Variants in VPS50 observed in about 807,000 individuals in gnomAD.
The protein encoded by VPS50 is syndetin.
In VPS50, 70 loss-of-function variants were observed where a neutral mutation model predicts 139.7. The ratio of observed to expected loss-of-function variants is 0.50; its 90% confidence interval spans 0.41 to 0.61. The LOEUF is 0.61. VPS50 is among the 20% of genes least tolerant of loss of function. The probability of loss-of-function intolerance (pLI) is 0.00; values close to 1 mark genes in which losing one functional copy is unlikely to be tolerated. For missense variants in VPS50, 921 were observed against 1,133.7 expected, an observed-to-expected ratio of 0.81 and a Z score of 2.69; for synonymous variants, 365 against 376.7, an observed-to-expected ratio of 0.97 and a Z score of 0.36.
At chr7:93,354,692 C>T (rs1018311038) in intron 26 of VPS50, among the ~76,000 whole-genome samples, 1 of 152,084 alleles carries the variant, frequency 6.6e-6, no homozygotes, top group African/African-American at 2.4e-5. Flanking sequence ...ATAAATCTTT[C>T]ATGTGTTGAA....
At chr7:93,246,391 C>G (rs186245755) in intron 2 of VPS50, among the ~76,000 whole-genome samples, 1 of 151,870 alleles carries the variant, frequency 6.6e-6, no homozygotes, top group Non-Finnish European at 1.5e-5. Context: ...GTGGACTGGT[C>G]TAATGAGCTA....
At chr7:93,233,676 CAT>C (rs1228622547) in intron 1 of VPS50, among the ~76,000 whole-genome samples, 9 of 152,322 alleles carry the variant, frequency 5.9e-5, no homozygotes, top group Admixed American at 2.0e-4. Flanking sequence ...TAATTCCTCA[CAT>C]GTGTTGAGTA....
chr7:93,338,416 G>C (rs2117054338), intron 22 of VPS50, among the ~76,000 whole-genome samples: 1 of 152,282 alleles, frequency 6.6e-6, no homozygotes, highest in South Asian at 2.1e-4. Context: ...TGGGCAGTTA[G>C]AGAAGATCCC....
intron 1 of VPS50, among the ~76,000 whole-genome samples, chr7:93,233,154 A>G (rs1794689123): frequency 6.6e-6 from 1 of 152,194 alleles, no homozygotes; most frequent in Admixed American, 6.5e-5. Context: ...CATGAATAAG[A>G]GCTTTGGCTA....
At chr7:93,248,326 G>T (rs1202177729) in intron 2 of VPS50, among the ~76,000 whole-genome samples, 1 of 151,682 alleles carries the variant, frequency 6.6e-6, no homozygotes, top group African/African-American at 2.4e-5. Flanking sequence ...TAAAATTTGG[G>T]CTCACACCTA....
At chr7:93,261,700 GAAATT>G (rs1554361372) in intron 9 of VPS50, among the ~76,000 whole-genome samples, 3 of 118,278 alleles carry the variant, frequency 2.5e-5, no homozygotes, top group South Asian at 2.8e-4. Flanking sequence ...AAAAAAAAAA[GAAATT>G]AGGCTGTAGA....
intron 17 of VPS50, among the ~76,000 whole-genome samples, chr7:93,304,214 G>A (rs965556006): frequency 1.3e-5 from 2 of 151,798 alleles, no homozygotes; most frequent in Non-Finnish European, 3.0e-5. Flanking sequence ...AAAATGCAGT[G>A]CATATAGTTA....
chr7:93,253,273 C>T, intron 3 of VPS50, among the ~76,000 whole-genome samples: 1 of 152,080 alleles, frequency 6.6e-6, no homozygotes, highest in East Asian at 1.9e-4. Context: ...ACAGTCAGTC[C>T]CCAGCTCAGT....
At chr7:93,249,941 A>T (rs1410543365) in intron 2 of VPS50, among the ~76,000 whole-genome samples, 1 of 152,150 alleles carries the variant, frequency 6.6e-6, no homozygotes. Context: ...ACCACTGTCC[A>T]GGGTGCTAAA....
chr7:93,328,208 T>C (rs1308580996), intron 21 of VPS50, among the ~76,000 whole-genome samples: 1 of 152,212 alleles, frequency 6.6e-6, no homozygotes, highest in Admixed American at 6.5e-5. Flanking sequence ...AAATTATGTT[T>C]TCTTTGGTCT....
chr7:93,338,548 A>G (rs1305483713), intron 22 of VPS50, among the ~76,000 whole-genome samples: 4 of 152,276 alleles, frequency 2.6e-5, no homozygotes, highest in East Asian at 3.9e-4. Flanking sequence ...GCACTGTTCT[A>G]GGAATTAAGA....
chr7:93,246,017 A>G, intron 2 of VPS50: 1 of 752,586 alleles, frequency 1.3e-6, no homozygotes, highest in Non-Finnish European at 2.2e-6. Flanking sequence ...TACTGACTGA[A>G]TATTGAAAAC....
At chr7:93,297,386 A>AT (rs899364952) in intron 16 of VPS50, 143 bp downstream of exon 16, 7 of 921,538 alleles carry the variant, frequency 7.6e-6, no homozygotes, top group Middle Eastern at 3.7e-4. Flanking sequence ...ATGGTTAAGG[A>AT]TTTTTTTAAC....
intron 20 of VPS50, among the ~76,000 whole-genome samples, chr7:93,315,522 A>G (rs1797400268): frequency 6.6e-6 from 1 of 152,184 alleles, no homozygotes; most frequent in South Asian, 2.1e-4. Flanking sequence ...GTTCTGTTAA[A>G]TTACTCATTC....
intron 6 of VPS50, 91 bp from the exon 7 acceptor site, chr7:93,258,068 T>A (rs1314379034): frequency 1.6e-6 from 1 of 637,538 alleles, no homozygotes; most frequent in Non-Finnish European, 2.8e-6. Context: ...GTAATCCATT[T>A]CACTGCTTCA....
At chr7:93,255,562 T>C (rs1220273535) in intron 4 of VPS50, among the ~76,000 whole-genome samples, 1 of 152,230 alleles carries the variant, frequency 6.6e-6, no homozygotes, top group Non-Finnish European at 1.5e-5. Context: ...ACCTTTGGAA[T>C]TCTTAAAATG....
intron 5 of VPS50, among the ~76,000 whole-genome samples, chr7:93,257,030 C>T (rs1019107324): frequency 2.0e-5 from 3 of 152,022 alleles, no homozygotes; most frequent in African/African-American, 7.2e-5. Context: ...TCTTAGTAAA[C>T]AGAAATCATA....
At chr7:93,281,893 G>C (rs1438433098) in intron 12 of VPS50, among the ~76,000 whole-genome samples, 2 of 152,110 alleles carry the variant, frequency 1.3e-5, no homozygotes, top group East Asian at 3.9e-4. Flanking sequence ...TAACTTTTTT[G>C]CCACTTGCTA....
chr7:93,285,282 T>A (rs189691520), intron 12 of VPS50, among the ~76,000 whole-genome samples: 1 of 152,174 alleles, frequency 6.6e-6, no homozygotes, highest in Non-Finnish European at 1.5e-5. Context: ...AGGATGTGAT[T>A]AGAGTGCTAA....
Sources: allele counts gnomAD v4.1 joint callset (sites outside exome capture counted in the v4.1 genomes callset), GRCh38; gene constraint gnomAD v4.1.1; transcripts MANE v1.5; gene names NCBI Gene and HGNC (gene_info 2026-07-23, HGNC 2026-07-21).